COG5: variants seen among roughly 807,000 people sequenced by gnomAD.
The protein encoded by COG5 is conserved oligomeric Golgi complex subunit 5.
COG5 carries 86 observed loss-of-function variants against 110.4 expected under a neutral mutation model. That is an observed-to-expected ratio of 0.78 (90% CI 0.65 to 0.93). The LOEUF (loss-of-function observed/expected upper bound fraction) is 0.93, where lower values mean the gene tolerates loss of function less well. Ranked by LOEUF, COG5 falls within the 40% of genes least tolerant of loss-of-function variation. The pLI is 0.00. For synonymous variants in COG5, 360 were observed against 334.6 expected, an observed-to-expected ratio of 1.08 and a Z score of -0.83; for missense variants, 1,077 against 987.0, an observed-to-expected ratio of 1.09 and a Z score of -1.22.
intron 7 of COG5, among the ~76,000 whole-genome samples, chr7:107,399,723 A>T (rs919606624): frequency 6.6e-5 from 10 of 152,250 alleles, no homozygotes; most frequent in Admixed American, 6.5e-4. Context: ...TTACATCCAG[A>T]ATGTAATAAA....
intron 7 of COG5, among the ~76,000 whole-genome samples, chr7:107,410,533 C>T (rs1229250658): frequency 6.6e-6 from 1 of 152,032 alleles, no homozygotes. Flanking sequence ...ACCTCCGGCT[C>T]CTGGGTTTAA....
chr7:107,456,971 A>C (rs995304484), intron 6 of COG5, among the ~76,000 whole-genome samples: 1 of 152,232 alleles, frequency 6.6e-6, no homozygotes, highest in Non-Finnish European at 1.5e-5. Flanking sequence ...AAGTTGATCC[A>C]CAAGTAACTT....
chr7:107,210,034 T>C, intron 21 of COG5: 1 of 1,019,062 alleles, frequency 9.8e-7, no homozygotes, highest in Non-Finnish European at 1.2e-6. Flanking sequence ...CACATGCGTA[T>C]GTATGTGAAT....
chr7:107,417,245 A>G (rs914067286), intron 6 of COG5, among the ~76,000 whole-genome samples: 3 of 152,210 alleles, frequency 2.0e-5, no homozygotes, highest in African/African-American at 4.8e-5. Context: ...ACCTTGATTG[A>G]GCTTAAAAGT....
chr7:107,404,324 A>C (rs1791652959), intron 7 of COG5, among the ~76,000 whole-genome samples: 1 of 152,216 alleles, frequency 6.6e-6, no homozygotes, highest in Non-Finnish European at 1.5e-5. Flanking sequence ...TTTACTGAAC[A>C]TCTATTCAGG....
At chr7:107,415,804 GTA>G (rs761273882) in intron 6 of COG5, among the ~76,000 whole-genome samples, 2 of 118,448 alleles carry the variant, frequency 1.7e-5, no homozygotes, top group Non-Finnish European at 3.8e-5. Flanking sequence ...ATGTATGTGT[GTA>G]TATATACACA....
At chr7:107,370,435 T>G (rs966224319) in intron 8 of COG5, among the ~76,000 whole-genome samples, 1 of 152,066 alleles carries the variant, frequency 6.6e-6, no homozygotes, top group African/African-American at 2.4e-5. Context: ...CTACATAACT[T>G]CAATATAAAC....
At chr7:107,495,395 T>G (rs986967781) in intron 6 of COG5, among the ~76,000 whole-genome samples, 1 of 152,088 alleles carries the variant, frequency 6.6e-6, no homozygotes. Context: ...GCAGGGAAAA[T>G]AATGTACAGT....
chr7:107,222,879 A>C (rs912252405), intron 19 of COG5, among the ~76,000 whole-genome samples: 1 of 152,138 alleles, frequency 6.6e-6, no homozygotes, highest in Non-Finnish European at 1.5e-5. Context: ...TTTGTCAACT[A>C]TTAGGTCTCA....
At chr7:107,516,112 T>C (rs1037421299) in intron 6 of COG5, among the ~76,000 whole-genome samples, 13 of 152,244 alleles carry the variant, frequency 8.5e-5, no homozygotes, top group African/African-American at 2.9e-4. Context: ...TTTTAAACTA[T>C]TACATAATAA....
chr7:107,542,133 A>G (rs1438418794), intron 5 of COG5, among the ~76,000 whole-genome samples: 1 of 152,146 alleles, frequency 6.6e-6, no homozygotes, highest in East Asian at 1.9e-4. Context: ...ATCTTGTGAG[A>G]ATTTTTCATA....
At chr7:107,382,861 G>C (rs1185563198) in intron 7 of COG5, among the ~76,000 whole-genome samples, 1 of 152,130 alleles carries the variant, frequency 6.6e-6, no homozygotes, top group Non-Finnish European at 1.5e-5. Context: ...AAATTCACTA[G>C]TTGTTTTTAA....
chr7:107,207,955 C>CA, intron 21 of COG5: 2 of 985,354 alleles, frequency 2.0e-6, no homozygotes, highest in Non-Finnish European at 2.4e-6. Context: ...AATGAGTATA[C>CA]AACAAGGTTT....
At position 107,298,177 on chromosome 7, in the gene COG5, T is replaced by C; in HGVS notation, c.1278A>G (p.Ala426=). 1 of 1,612,170 alleles carries C rather than the reference T, an allele frequency of 6.2e-7. No homozygotes were observed. Among genetic ancestry groups the C allele is most frequent in the South Asian group, 1.1e-5 (1 of 90,738 alleles). The part of the protein sequence containing the change: ...YVDLQHMEDD[A]QDIFIPKKPD... Reference sequence around the variant, plus strand: ...GCTTTTTTGGTATGAATATATCTTGTGCATCATCTTCCATGTGTTGTAGGT... The same window carrying C: ...GCTTTTTTGGTATGAATATATCTTGCGCATCATCTTCCATGTGTTGTAGGT... The change falls in exon 12 of 22, where the codon GCA becomes GCG. Residue 426 remains alanine, a synonymous_variant. Coordinates refer to ENST00000297135, the MANE Select transcript of COG5 (RefSeq NM_006348.5).
chr7:107,222,882 A>C (rs1800044388), intron 19 of COG5, among the ~76,000 whole-genome samples: 1 of 152,144 alleles, frequency 6.6e-6, no homozygotes, highest in Non-Finnish European at 1.5e-5. Flanking sequence ...GTCAACTATT[A>C]GGTCTCATTA....
At chr7:107,212,297 A>G (rs921827349) in intron 19 of COG5, among the ~76,000 whole-genome samples, 1 of 152,218 alleles carries the variant, frequency 6.6e-6, no homozygotes, top group African/African-American at 2.4e-5. Flanking sequence ...TATGTTGTCT[A>G]TCACCAGAAA....
At position 107,314,604 on chromosome 7, in the gene COG5, G is replaced by C. The variant is rs945507240; in HGVS notation, c.1108+9836C>G. 8.2e-5 allele frequency among the ~76,000 whole-genome samples: 9 copies of C among 110,076 alleles called. 1 individual carries two copies. The highest frequency in any genetic ancestry group is 3.8e-4 in the African/African-American group (8 of 21,112). The allele number at this position is 110,076 out of a possible 152,430, so 72.2% of individuals were successfully genotyped here. A position where few individuals can be genotyped will look rare whatever the true frequency, so the allele number is the denominator to read the frequency against. On this transcript the variant is annotated intron_variant, in intron 11 of 21. Transcript: ENST00000297135. ...CTACAAAAAAAAAAAAAAAAAAAAA[G>C]CCAGGCATGGTGGGCGTGCCTGTAA... is the stretch of plus-strand genomic sequence containing the variant.
At chr7:107,208,545 C>G in intron 21 of COG5, 1 of 985,342 alleles carries the variant, frequency 1.0e-6, no homozygotes, top group Non-Finnish European at 1.2e-6. Flanking sequence ...ATCTTTGGGA[C>G]TCGGGAAAAA....
chr7:107,210,555 T>C lies in COG5; in HGVS notation c.2346A>G (p.Pro782=). 2.5e-6 allele frequency: 4 copies of C among 1,603,818 alleles called. No homozygotes were observed. Among genetic ancestry groups the C allele is most frequent in the Non-Finnish European group, 2.6e-6 (3 of 1,175,382 alleles). The change falls in exon 21 of 22, where the codon CCA becomes CCG. Residue 782 remains proline (P), a synonymous_variant. Transcript: ENST00000297135. ...TRFSQWLDDH[P]SEKDRLLLIR... ...TGAGGAGGAGCCTGTCCTTTTCAGA[T>C]GGATGGTCATCCAGCCACTGAGAGA... is the stretch of plus-strand genomic sequence containing the variant.
Sources: allele counts gnomAD v4.1 joint callset (sites outside exome capture counted in the v4.1 genomes callset), GRCh38; gene constraint gnomAD v4.1.1; transcripts MANE v1.5; gene names NCBI Gene and HGNC (gene_info 2026-07-23, HGNC 2026-07-21).